Variants in CLSTN1 observed in about 807,000 individuals in gnomAD.
CLSTN1 encodes calsyntenin-1.
In CLSTN1, 28 loss-of-function variants were observed where a neutral mutation model predicts 108.3. The ratio of observed to expected loss-of-function variants is 0.26; its 90% CI spans 0.19 to 0.35. The LOEUF (loss-of-function observed/expected upper bound fraction) is 0.35. Among genes scored for constraint, CLSTN1 ranks in the 10% least tolerant of loss-of-function variants. CLSTN1 has a pLI of 1.00. For missense variants in CLSTN1, 1,157 were observed against 1,302.6 expected, an observed-to-expected ratio of 0.89 and a Z score of 1.72; for synonymous variants, 524 against 534.9, an observed-to-expected ratio of 0.98 and a Z score of 0.28.
chr1:9,769,602 T>C (rs2101151092), intron 2 of CLSTN1, among the ~76,000 whole-genome samples: 2 of 152,270 alleles, frequency 1.3e-5, no homozygotes, highest in African/African-American at 4.8e-5. Context: ...TAGCCAGGGC[T>C]TGGGAGTGAA....
Position 9,731,894 on chromosome 1 carries a change from C to T in CLSTN1, c.2430G>A (p.Val810=), listed in dbSNP as rs149879468. The part of the protein sequence containing the change: ...RYISNEFKVE[V]NVIHTANPME... ...TGGGGTTGGCCGTGTGGATTACATTCACCTATAGCAGAGAAAGAGAGGATC... is the reference window on the plus strand; with the variant it reads ...TGGGGTTGGCCGTGTGGATTACATTTACCTATAGCAGAGAAAGAGAGGATC... Residue 810 remains valine, a splice_region_variant and synonymous_variant, in exon 17 of 19, where the codon GTG becomes GTA. Coordinates refer to ENST00000377298, the MANE Select transcript of CLSTN1 (RefSeq NM_001009566.3). 1,034 of 1,614,112 alleles carry T rather than the reference C, an allele frequency of 6.4e-4. 16 individuals are homozygous for T. In the East Asian group the frequency reaches 0.016, roughly 24 times the overall value.
chr1:9,793,756 T>C (rs1415670556), intron 1 of CLSTN1, among the ~76,000 whole-genome samples: 1 of 151,552 alleles, frequency 6.6e-6, no homozygotes, highest in Non-Finnish European at 1.5e-5. Flanking sequence ...TGCTATCTTG[T>C]GTTTTAGCAT....
At chr1:9,783,138 T>C (rs1196229655) in intron 1 of CLSTN1, among the ~76,000 whole-genome samples, 3 of 152,240 alleles carry the variant, frequency 2.0e-5, no homozygotes, top group Admixed American at 6.5e-5. Context: ...GTCAACCCAG[T>C]ACACGAACAG....
At chr1:9,757,644 TG>T (rs1401221130) in intron 2 of CLSTN1, among the ~76,000 whole-genome samples, 1 of 152,234 alleles carries the variant, frequency 6.6e-6, no homozygotes, top group African/African-American at 2.4e-5. Context: ...CCTCTGCTAA[TG>T]GAACATCTGC....
intron 1 of CLSTN1, among the ~76,000 whole-genome samples, chr1:9,795,314 C>A (rs1178392060): frequency 5.3e-5 from 8 of 150,758 alleles, no homozygotes; most frequent in African/African-American, 1.2e-4. Context: ...TACAGGCATG[C>A]GCCACCACGC....
chr1:9,751,163 T>C (rs1168367571), intron 5 of CLSTN1, among the ~76,000 whole-genome samples: 5 of 151,914 alleles, frequency 3.3e-5, no homozygotes, highest in Non-Finnish European at 7.4e-5. Context: ...GCATGTGGAC[T>C]GAAAGTTAAG....
At position 9,823,909 on chromosome 1, in the gene CLSTN1, G is replaced by A. The variant is rs1284848543; in HGVS notation, c.-176C>T. On this transcript the variant is annotated 5_prime_UTR_variant, in exon 1 of 19. Transcript: ENST00000377298. The surrounding 1 kb of genome is among the most constrained non-coding windows in gnomAD (Gnocchi z 6.3). Reference sequence around the variant, plus strand: ...ACGCTGGGCCGCGCGCTCAGGACGCGGCGCCCTCCCCGCCTCAGAGCAGCG... The same window carrying A: ...ACGCTGGGCCGCGCGCTCAGGACGCAGCGCCCTCCCCGCCTCAGAGCAGCG... 1.2e-5 allele frequency: 2 copies of A among 172,778 alleles called. No homozygotes were observed. The highest frequency in any genetic ancestry group is 2.4e-5 in the Non-Finnish European group (2 of 84,742). The allele number at this position is 172,778 out of a possible 1,614,324, so 10.7% of individuals were successfully genotyped here.
chr1:9,824,318 G>T (rs1655327588), upstream of CLSTN1: 1 of 152,034 alleles, frequency 6.6e-6, no homozygotes, highest in Admixed American at 6.5e-5. This position sits in a 1 kb window ranked among gnomAD's most constrained non-coding sequence, Gnocchi z 5.0. Context: ...CTAAGGCCGG[G>T]TGAGCGGTAC....
At chr1:9,752,917 C>G (rs991442432) in intron 4 of CLSTN1, among the ~76,000 whole-genome samples, 1 of 151,984 alleles carries the variant, frequency 6.6e-6, no homozygotes, top group Non-Finnish European at 1.5e-5. Flanking sequence ...ACAGACTCAA[C>G]AAAATTAAAT....
Position 9,756,480 on chromosome 1 carries a change from C to G in CLSTN1, c.244+1G>C. 6.2e-7 allele frequency: 1 copy of G among 1,612,014 alleles called. No individual in the cohort carries two copies. Among genetic ancestry groups the G allele is most frequent in the Non-Finnish European group, 8.5e-7 (1 of 1,178,264 alleles). On this transcript the variant is annotated splice_donor_variant, in intron 3 of 18. Transcript: ENST00000377298. LOFTEE classifies it high-confidence loss of function. ...GAGGGGAAGAAAGAACCCTTTATCA[C>G]CTTCTTTGGTGACTGTCACCTCAAA...
chr1:9,797,198 G>C (rs1282550422), intron 1 of CLSTN1, among the ~76,000 whole-genome samples: 2 of 152,180 alleles, frequency 1.3e-5, no homozygotes, highest in South Asian at 2.1e-4. Context: ...AAGAAATCAA[G>C]CTGGACTCAG....
Position 9,730,549 on chromosome 1 carries a change from G to T in CLSTN1, c.2905C>A (p.Gln969Lys). The T allele has an allele frequency of 6.2e-7, 1 of 1,607,526 alleles. No individual in the cohort carries two copies. ...GAGTCATCCCACTCCAGCTGCTGCT[G>T]CCGGGTTGCGTTCTGGGGGTCGCCC... ...EQGDPQNATRQQQLEWDDSTL... is the reference protein window; with the variant it reads ...EQGDPQNATRKQQLEWDDSTL... The change falls in exon 19 of 19, where the codon CAG becomes AAG. Residue 969 changes from glutamine to lysine, a missense_variant. Gln to Lys is a moderately conservative substitution (Grantham distance 53). Transcript: ENST00000377298. The surrounding 1 kb of genome is among the most constrained non-coding windows in gnomAD (Gnocchi z 5.6).
intron 1 of CLSTN1, among the ~76,000 whole-genome samples, chr1:9,777,621 T>C (rs1653020466): frequency 6.6e-6 from 1 of 152,210 alleles, no homozygotes; most frequent in South Asian, 2.1e-4. Context: ...ACAATATTTT[T>C]ATGAAAATAA....
chr1:9,796,278 CA>C lies in CLSTN1; in HGVS notation c.92-22885del, dbSNP rs1557719197. ...CTGTCTCCAAAAACAAAAAAAAAAA[CA>C]AAAAACAAAACAAAACAAAAAAAAA... On this transcript the variant is annotated intron_variant, in intron 1 of 18. Transcript: ENST00000377298. Among the ~76,000 whole-genome samples, 12 of 98,638 alleles carry C rather than the reference CA, an allele frequency of 1.2e-4. 1 individual carries two copies. The East Asian group carries it at 3.5e-3, about 29-fold the overall frequency. The allele number at this position is 98,638 out of a possible 152,430, so 64.7% of individuals were successfully genotyped here.
chr1:9,743,640 T>G (rs1389132431), intron 9 of CLSTN1, among the ~76,000 whole-genome samples: 1 of 151,962 alleles, frequency 6.6e-6, no homozygotes, highest in African/African-American at 2.4e-5. Flanking sequence ...CTTGACCTCC[T>G]GGGCTCCATC....
chr1:9,733,527 G>T lies in CLSTN1; in HGVS notation c.2301C>A (p.Ser767Arg). 1.2e-6 allele frequency: 2 copies of T among 1,614,128 alleles called. No individual in the cohort carries two copies. The highest frequency in any genetic ancestry group is 1.7e-6 in the Non-Finnish European group (2 of 1,180,032). ...GCAGCAGGTGCAAAACCTCCTCGTAGCTGGCCATGGTGTCCACGCCTGCAG... is the reference window on the plus strand; with the variant it reads ...GCAGCAGGTGCAAAACCTCCTCGTATCTGGCCATGGTGTCCACGCCTGCAG... ...MTFTGVDTMA[S>R]YEEVLHLLRY... Residue 767 changes from serine (S) to arginine (R), a missense_variant, in exon 16 of 19, where the codon AGC (serine) becomes AGA (arginine). Ser to Arg is a moderately radical substitution (Grantham distance 110). Transcript: ENST00000377298.
intron 7 of CLSTN1, among the ~76,000 whole-genome samples, chr1:9,748,654 G>GT (rs756972088): frequency 1.3e-5 from 2 of 151,984 alleles, no homozygotes; most frequent in African/African-American, 2.4e-5. Context: ...TGCCCGGCTA[G>GT]TTTTTGTTTT....
At chr1:9,753,555 G>T (rs1651661101) in intron 4 of CLSTN1, among the ~76,000 whole-genome samples, 1 of 151,146 alleles carries the variant, frequency 6.6e-6, no homozygotes, top group Non-Finnish European at 1.5e-5. Context: ...GCAATGATGT[G>T]ATCTTGGCTC....
intron 7 of CLSTN1, among the ~76,000 whole-genome samples, chr1:9,748,804 G>A (rs145787036): frequency 9.3e-4 from 142 of 151,880 alleles, no homozygotes; most frequent in Non-Finnish European, 1.6e-3. Flanking sequence ...TCTTCAATTC[G>A]TAAGTAAACA....
Sources: gnomAD v4.1 joint callset for allele counts (sites outside exome capture counted in the v4.1 genomes callset) on GRCh38, gnomAD v4.1.1 for gene constraint, Gnocchi (gnomAD v3.1) non-coding constraint, MANE v1.5 for transcripts, NCBI Gene and HGNC (gene_info 2026-07-23, HGNC 2026-07-21) for gene names.